GALNTL6: variants seen among roughly 807,000 people sequenced by gnomAD.
GALNTL6 encodes the protein polypeptide N-acetylgalactosaminyltransferase like 6, also known as polypeptide N-acetylgalactosaminyltransferase-like 6.
A neutral mutation model predicts 73.7 loss-of-function variants in GALNTL6; 46 were observed. That is an observed-to-expected ratio of 0.62 (90% CI 0.49 to 0.80). The LOEUF (loss-of-function observed/expected upper bound fraction) is 0.80. Ranked by LOEUF, GALNTL6 falls within the 30% of genes least tolerant of loss-of-function variation. The pLI, the probability that GALNTL6 is intolerant of heterozygous loss-of-function variation, is 0.00. For missense variants in GALNTL6, 604 were observed against 755.0 expected (o/e 0.80, Z 2.34); for synonymous variants, 259 against 263.7 (o/e 0.98, Z 0.17).
At chr4:171,875,873 CAAT>C (rs1736262835) in intron 2 of GALNTL6, among the ~76,000 whole-genome samples, 1 of 151,226 alleles carries the variant, frequency 6.6e-6, no homozygotes, top group Admixed American at 6.6e-5. Context: ...CCTACTCTAA[CAAT>C]AAGATTACAG....
intron 2 of GALNTL6, among the ~76,000 whole-genome samples, chr4:172,154,822 T>C (rs1048171610): frequency 6.6e-6 from 1 of 152,176 alleles, no homozygotes; most frequent in African/African-American, 2.4e-5. Flanking sequence ...TTTTTGAAAA[T>C]TATTTCTCTC....
chr4:172,828,791 G>A (rs536632077), intron 7 of GALNTL6, among the ~76,000 whole-genome samples: 4 of 152,318 alleles, frequency 2.6e-5, no homozygotes, highest in Non-Finnish European at 5.9e-5. Context: ...CAATCTGGAG[G>A]AGAAAGTCAA....
chr4:172,492,757 TA>T (rs545853207), intron 5 of GALNTL6, among the ~76,000 whole-genome samples: 8 of 152,194 alleles, frequency 5.3e-5, no homozygotes, highest in African/African-American at 1.7e-4. Context: ...AAGAATTACA[TA>T]AAAAATATGT....
Position 171,865,198 on chromosome 4 carries a change from G to C in GALNTL6, c.138+50480G>C, listed in dbSNP as rs372666109. Among the ~76,000 whole-genome samples the C allele has an allele frequency of 2.6e-5, 4 of 152,182 alleles. No homozygotes were observed. The South Asian group carries it at 8.3e-4, about 32-fold the overall frequency. On this transcript the variant is annotated intron_variant, in intron 2 of 12. Coordinates refer to ENST00000506823, the MANE Select transcript of GALNTL6 (RefSeq NM_001034845.3). Reference sequence around the variant, plus strand: ...AACCTAGAAAAAATGTTAAGGGACTGCTGGCTTATTCCCTTGATAAATTTC... The same window carrying C: ...AACCTAGAAAAAATGTTAAGGGACTCCTGGCTTATTCCCTTGATAAATTTC...
At chr4:172,990,993 T>G (rs1164653583) in intron 10 of GALNTL6, among the ~76,000 whole-genome samples, 1 of 152,208 alleles carries the variant, frequency 6.6e-6, no homozygotes, top group Non-Finnish European at 1.5e-5. Flanking sequence ...GGGGACCTAA[T>G]TCTTAAAAAG....
chr4:172,096,110 A>ATGTG (rs1732348758), intron 2 of GALNTL6, among the ~76,000 whole-genome samples: 1 of 62,056 alleles, frequency 1.6e-5, no homozygotes, highest in African/African-American at 5.3e-5. Context: ...GTGTGTGTGT[A>ATGTG]TGTGTGTTTA....
At chr4:171,854,719 A>G (rs1735637355) in intron 2 of GALNTL6, among the ~76,000 whole-genome samples, 1 of 152,204 alleles carries the variant, frequency 6.6e-6, no homozygotes, top group Admixed American at 6.5e-5. Context: ...TGGTTCCCAG[A>G]AGGCTATCTT....
At chr4:172,323,806 A>G (rs1740840813) in intron 4 of GALNTL6, among the ~76,000 whole-genome samples, 1 of 152,100 alleles carries the variant, frequency 6.6e-6, no homozygotes. Flanking sequence ...TTAATAAATT[A>G]GTATGGAGTC....
intron 5 of GALNTL6, among the ~76,000 whole-genome samples, chr4:172,566,843 C>T (rs569163561): frequency 1.6e-4 from 24 of 151,900 alleles, no homozygotes; most frequent in African/African-American, 2.9e-4. Flanking sequence ...CTGCAACTGA[C>T]GCCACAGAAA....
intron 2 of GALNTL6, among the ~76,000 whole-genome samples, chr4:171,948,385 G>A (rs1175166608): frequency 9.9e-5 from 15 of 152,192 alleles, no homozygotes; most frequent in Admixed American, 9.8e-4. Context: ...AGATATGCCA[G>A]TGGCTATGGC....
intron 5 of GALNTL6, among the ~76,000 whole-genome samples, chr4:172,669,565 G>C (rs1474915613): frequency 6.6e-6 from 1 of 152,178 alleles, no homozygotes; most frequent in African/African-American, 2.4e-5. Flanking sequence ...TTATGGCCAA[G>C]TTAAGTTGTT....
chr4:172,910,124 T>C (rs1747121644), intron 8 of GALNTL6, among the ~76,000 whole-genome samples: 1 of 151,954 alleles, frequency 6.6e-6, no homozygotes, highest in Admixed American at 6.6e-5. Context: ...TATGTGAACA[T>C]ATTTATAAGA....
chr4:173,024,093 C>A (rs1199126299), intron 12 of GALNTL6, among the ~76,000 whole-genome samples: 2 of 152,012 alleles, frequency 1.3e-5, no homozygotes, highest in East Asian at 1.9e-4. Context: ...AGGGAGCTTA[C>A]AAAAGTTTAC....
chr4:172,606,603 CAT>C (rs1560832204), intron 5 of GALNTL6, among the ~76,000 whole-genome samples: 3 of 88,366 alleles, frequency 3.4e-5, no homozygotes, highest in Admixed American at 1.3e-4. Context: ...CACATATATA[CAT>C]ATATACATAT....
At chr4:172,721,223 T>A (rs545406282) in intron 5 of GALNTL6, among the ~76,000 whole-genome samples, 3 of 152,286 alleles carry the variant, frequency 2.0e-5, no homozygotes, top group South Asian at 4.1e-4. Context: ...AAGATAGTCA[T>A]GGATTTTATT....
chr4:172,254,917 A>C (rs1266328034), intron 3 of GALNTL6, among the ~76,000 whole-genome samples: 2 of 151,616 alleles, frequency 1.3e-5, no homozygotes, highest in Non-Finnish European at 3.0e-5. Context: ...TGTTTTCTTG[A>C]TCAGCTTTGG....
chr4:171,896,967 A>C (rs1354352535), intron 2 of GALNTL6, among the ~76,000 whole-genome samples: 4 of 152,206 alleles, frequency 2.6e-5, no homozygotes, highest in Admixed American at 1.3e-4. Flanking sequence ...ATTATGAAAC[A>C]AATAATAAAA....
chr4:172,139,543 T>A (rs1238436260), intron 2 of GALNTL6, among the ~76,000 whole-genome samples: 3 of 152,190 alleles, frequency 2.0e-5, no homozygotes, highest in South Asian at 2.1e-4. Context: ...TCCTGATAGA[T>A]GTAATTAATA....
intron 7 of GALNTL6, among the ~76,000 whole-genome samples, chr4:172,878,999 A>T (rs1485003591): frequency 6.6e-6 from 1 of 151,888 alleles, no homozygotes; most frequent in South Asian, 2.1e-4. Flanking sequence ...TGACAGAGTG[A>T]AGAACATTAT....
Sources: allele counts gnomAD v4.1 joint callset (sites outside exome capture counted in the v4.1 genomes callset), GRCh38; gene constraint gnomAD v4.1.1; transcripts MANE v1.5; gene names NCBI Gene and HGNC (gene_info 2026-07-23, HGNC 2026-07-21).